Variants in PTPRN2 observed in about 807,000 individuals in gnomAD.
PTPRN2 encodes receptor-type tyrosine-protein phosphatase N2.
A neutral mutation model predicts 118.8 loss-of-function variants in PTPRN2; 74 were observed. The observed-to-expected ratio is 0.62, with a 90% CI of 0.52 to 0.76. The LOEUF is 0.76. Ranked by LOEUF, PTPRN2 falls within the 30% of genes least tolerant of loss-of-function variation. PTPRN2 has a pLI of 0.00. For synonymous variants in PTPRN2, 641 were observed against 608.0 expected (o/e 1.05, Z -0.80); for missense variants, 1,481 against 1,394.4 (o/e 1.06, Z -0.99).
chr7:157,775,918 T>C (rs1433551098), intron 12 of PTPRN2, among the ~76,000 whole-genome samples: 1 of 151,998 alleles, frequency 6.6e-6, no homozygotes, highest in Non-Finnish European at 1.5e-5. Flanking sequence ...GCTATAGGGA[T>C]GGTCAGTGAG....
At chr7:158,539,067 A>G (rs1825820370) in intron 1 of PTPRN2, among the ~76,000 whole-genome samples, 1 of 152,150 alleles carries the variant, frequency 6.6e-6, no homozygotes, top group Admixed American at 6.5e-5. Context: ...AAGGTGTTTC[A>G]GGGAAAAGCC....
At chr7:158,176,531 C>T (rs553052422) in intron 5 of PTPRN2, among the ~76,000 whole-genome samples, 7 of 152,224 alleles carry the variant, frequency 4.6e-5, no homozygotes, top group Non-Finnish European at 8.8e-5. Flanking sequence ...GTAAGCAGGT[C>T]GGCTTCCATG....
chr7:158,499,503 T>A (rs1822195522), intron 1 of PTPRN2, among the ~76,000 whole-genome samples: 1 of 152,212 alleles, frequency 6.6e-6, no homozygotes, highest in Admixed American at 6.5e-5. Flanking sequence ...ATACAAATTA[T>A]TTTAGGCCAG....
chr7:158,192,339 T>G lies in PTPRN2; in HGVS notation c.537A>C (p.Arg179Ser), dbSNP rs1585800680. The change falls in exon 5 of 23, where the codon AGA (arginine) becomes AGC (serine). Residue 179 changes from arginine to serine, a missense_variant. By Grantham distance (110) the Arg-to-Ser change is moderately radical. Transcript: ENST00000389418. ...GTGGAAGGGTCACCTCAGCGGGGGG[T>G]CTGTCCTGCGCCGTATGGGTCCTGG... ...VLARTHTAQD[R>S]PPAEGDDRFS... The G allele has an allele frequency of 2.7e-6, 4 of 1,478,092 alleles. No individual in the cohort carries two copies. Among genetic ancestry groups the G allele is most frequent in the Non-Finnish European group, 3.6e-6 (4 of 1,122,430 alleles). 91.6% of individuals were successfully genotyped at this position (1,478,092 alleles called of 1,614,324 possible).
chr7:158,103,292 G>A (rs997402684), intron 10 of PTPRN2, among the ~76,000 whole-genome samples: 5 of 151,976 alleles, frequency 3.3e-5, no homozygotes, highest in African/African-American at 4.8e-5. Context: ...GGAATCCTTC[G>A]TGGAAAGGAA....
intron 14 of PTPRN2, among the ~76,000 whole-genome samples, chr7:157,628,576 C>T (rs141526369): frequency 3.5e-4 from 53 of 152,344 alleles, no homozygotes; most frequent in East Asian, 2.5e-3. Context: ...TGGAGCCTTC[C>T]GGCAAGTCAG....
intron 2 of PTPRN2, among the ~76,000 whole-genome samples, chr7:158,458,031 C>G (rs1420785313): frequency 1.3e-5 from 2 of 152,204 alleles, no homozygotes; most frequent in Non-Finnish European, 2.9e-5. Flanking sequence ...GAGGTGAAAG[C>G]TCTAAGAGAA....
intron 3 of PTPRN2, among the ~76,000 whole-genome samples, chr7:158,267,951 A>T (rs1410807465): frequency 6.6e-6 from 1 of 151,848 alleles, no homozygotes. Flanking sequence ...GATGCAGTTG[A>T]CTCTTCCCAG....
At chr7:158,521,941 TACTG>T in intron 1 of PTPRN2, among the ~76,000 whole-genome samples, 1 of 93,600 alleles carries the variant, frequency 1.1e-5, no homozygotes, top group Non-Finnish European at 2.2e-5. Context: ...ACTGTCCGGG[TACTG>T]GCTCGGGAGG....
intron 2 of PTPRN2, among the ~76,000 whole-genome samples, chr7:158,327,832 C>A (rs7357139): frequency 0.012 from 1,899 of 152,280 alleles, 45 homozygotes; most frequent in African/African-American, 0.043. Context: ...GAAGTCCCCT[C>A]CCTGCAGGGA....
In PTPRN2 at chr7:157,929,148, C is replaced by T. The variant is rs1799213290; in HGVS notation, c.1724-30411G>A. On this transcript the variant is annotated intron_variant, in intron 11 of 22. Coordinates refer to ENST00000389418, the MANE Select transcript of PTPRN2 (RefSeq NM_002847.5). This position sits in a 1 kb window ranked among gnomAD's most constrained non-coding sequence, Gnocchi z 4.4. ...TCCTTCCACCCTTGTGTTTCCCTGG[C>T]ATATGTGTCAGCCAGCTGGTCAACA... Among the ~76,000 whole-genome samples, 1 of 152,164 alleles carries T rather than the reference C, an allele frequency of 6.6e-6. No individual in the cohort carries two copies. The highest frequency in any genetic ancestry group is 1.5e-5 in the Non-Finnish European group (1 of 68,022).
chr7:157,594,469 G>A (rs959052631), intron 17 of PTPRN2, among the ~76,000 whole-genome samples: 3 of 152,232 alleles, frequency 2.0e-5, no homozygotes, highest in African/African-American at 7.2e-5. Flanking sequence ...TGCTGCGACA[G>A]GCACCTCCCT....
At chr7:158,487,897 C>A (rs10265417) in intron 2 of PTPRN2, among the ~76,000 whole-genome samples, 1 of 151,900 alleles carries the variant, frequency 6.6e-6, no homozygotes, top group Non-Finnish European at 1.5e-5. Flanking sequence ...TCTGTTTCTA[C>A]AAATCAAGGC....
At chr7:157,817,275 G>A (rs536967733) in intron 12 of PTPRN2, among the ~76,000 whole-genome samples, 9 of 152,276 alleles carry the variant, frequency 5.9e-5, no homozygotes, top group African/African-American at 2.2e-4. Flanking sequence ...TGGTGCGCTG[G>A]GGGTCTGTGT....
intron 12 of PTPRN2, among the ~76,000 whole-genome samples, chr7:157,683,678 G>C (rs2150811708): frequency 6.6e-6 from 1 of 152,238 alleles, no homozygotes; most frequent in African/African-American, 2.4e-5. Flanking sequence ...TTGGAGGGCG[G>C]GGGTAGGGCT....
intron 21 of PTPRN2, among the ~76,000 whole-genome samples, chr7:157,562,822 G>A: frequency 7.1e-6 from 1 of 140,632 alleles, no homozygotes; most frequent in East Asian, 2.1e-4. Context: ...AGGACCACGT[G>A]CTCCACGTCA....
At chr7:157,679,151 A>G (rs1796803128) in intron 13 of PTPRN2, among the ~76,000 whole-genome samples, 1 of 152,208 alleles carries the variant, frequency 6.6e-6, no homozygotes, top group African/African-American at 2.4e-5. Context: ...GCCAATTTGA[A>G]AAAAAAGAAT....
At chr7:158,205,027 G>T in intron 4 of PTPRN2, 144 bp downstream of exon 4, 1 of 679,554 alleles carries the variant, frequency 1.5e-6, no homozygotes, top group Non-Finnish European at 2.5e-6. Context: ...TTTCCTTACA[G>T]ACATCCTAAC....
At chr7:158,043,616 C>G (rs1808629829) in intron 11 of PTPRN2, among the ~76,000 whole-genome samples, 2 of 152,236 alleles carry the variant, frequency 1.3e-5, no homozygotes, top group Non-Finnish European at 2.9e-5. Flanking sequence ...GGAGAAGGGC[C>G]TGACCTCACT....
Sources: gnomAD v4.1 joint callset for allele counts (sites outside exome capture counted in the v4.1 genomes callset) on GRCh38, gnomAD v4.1.1 for gene constraint, Gnocchi (gnomAD v3.1) non-coding constraint, MANE v1.5 for transcripts, NCBI Gene and HGNC (gene_info 2026-07-23, HGNC 2026-07-21) for gene names.